TMOD1: variants seen among roughly 807,000 people sequenced by gnomAD.
TMOD1 encodes the protein tropomodulin 1.
TMOD1 carries 17 observed loss-of-function variants against 40.6 expected under a neutral mutation model. That is an observed-to-expected ratio of 0.42 (90% CI 0.29 to 0.63). TMOD1 has a LOEUF of 0.63. Among genes scored for constraint, TMOD1 ranks in the 20% least tolerant of loss-of-function variants. The pLI is 0.22. For missense variants in TMOD1, 391 were observed against 447.6 expected (o/e 0.87, Z 1.14); for synonymous variants, 181 against 175.0 (o/e 1.03, Z -0.27).
chr9:97,539,704 C>T (rs1010011770), intron 2 of TMOD1, among the ~76,000 whole-genome samples: 15 of 152,300 alleles, frequency 9.8e-5, no homozygotes, highest in African/African-American at 3.6e-4. Flanking sequence ...AGGTGGCTCA[C>T]GCCTGTAATC....
intron 8 of TMOD1, among the ~76,000 whole-genome samples, chr9:97,590,653 C>CT (rs1228416580): frequency 1.4e-5 from 2 of 147,020 alleles, no homozygotes; most frequent in African/African-American, 5.1e-5. Flanking sequence ...TTCTTTATAT[C>CT]TTTGTCAGAT....
At chr9:97,588,355 C>G (rs1280383939) in intron 8 of TMOD1, among the ~76,000 whole-genome samples, 1 of 152,130 alleles carries the variant, frequency 6.6e-6, no homozygotes, top group Non-Finnish European at 1.5e-5. Context: ...TAATGATGAG[C>G]ACTTTTTCAT....
At chr9:97,542,393 A>C (rs749311806) in intron 2 of TMOD1, among the ~76,000 whole-genome samples, 5 of 152,232 alleles carry the variant, frequency 3.3e-5, no homozygotes, top group Non-Finnish European at 7.3e-5. Context: ...GTTTTTACAA[A>C]TCAACTGCTT....
At chr9:97,559,793 AAATATATATATATATATAT>A (rs1830598853) in intron 4 of TMOD1, among the ~76,000 whole-genome samples, 1 of 31,518 alleles carries the variant, frequency 3.2e-5, no homozygotes, top group East Asian at 9.4e-4. Flanking sequence ...AAAAAAAAAA[AAATATATATATATATATAT>A]ATATATATAT....
At chr9:97,559,180 G>A (rs978941740) in intron 4 of TMOD1, among the ~76,000 whole-genome samples, 1 of 152,194 alleles carries the variant, frequency 6.6e-6, no homozygotes, top group Non-Finnish European at 1.5e-5. Context: ...CTCCGTGGGA[G>A]CTGGAGAGCC....
At chr9:97,532,480 G>C (rs1409774041) in intron 2 of TMOD1, among the ~76,000 whole-genome samples, 3 of 152,120 alleles carry the variant, frequency 2.0e-5, no homozygotes, top group Non-Finnish European at 4.4e-5. Context: ...TGGCAACACT[G>C]AGCTGTTTCC....
intron 8 of TMOD1, among the ~76,000 whole-genome samples, chr9:97,569,915 A>G (rs1830793170): frequency 6.6e-6 from 1 of 152,174 alleles, no homozygotes; most frequent in South Asian, 2.1e-4. Context: ...TTTGATGTTA[A>G]AATGCTTTCT....
intron 8 of TMOD1, among the ~76,000 whole-genome samples, chr9:97,572,572 C>CT (rs1830837577): frequency 6.6e-6 from 1 of 152,100 alleles, no homozygotes; most frequent in Non-Finnish European, 1.5e-5. Flanking sequence ...TGTGCCTCCC[C>CT]TTCAGGTGCC....
At chr9:97,587,604 C>G (rs749093141) in intron 8 of TMOD1, among the ~76,000 whole-genome samples, 1 of 151,844 alleles carries the variant, frequency 6.6e-6, no homozygotes, top group Non-Finnish European at 1.5e-5. Context: ...CTAATTGACA[C>G]GTACTTCACA....
Position 97,502,119 on chromosome 9 carries a change from G to C in TMOD1, c.-49+316G>C, listed in dbSNP as rs112546293. Reference sequence around the variant, plus strand: ...AGGACCCGGGGTTCTGGAGGAGACGGCGCCCCGGGCTGGGGTCCTGGCGGA... The same window carrying C: ...AGGACCCGGGGTTCTGGAGGAGACGCCGCCCCGGGCTGGGGTCCTGGCGGA... On this transcript the variant is annotated intron_variant, in intron 1 of 9. Coordinates refer to ENST00000259365, the MANE Select transcript of TMOD1 (RefSeq NM_003275.4). The surrounding 1 kb of genome is among the most constrained non-coding windows in gnomAD (Gnocchi z 6.1). 0.051 allele frequency among the ~76,000 whole-genome samples: 7,782 copies of C among 152,036 alleles called. 305 individuals carry two copies. The highest frequency in any genetic ancestry group is 0.11 in the African/African-American group (4,685 of 41,502).
At chr9:97,535,967 G>T (rs74623012) in intron 2 of TMOD1, among the ~76,000 whole-genome samples, 7 of 152,128 alleles carry the variant, frequency 4.6e-5, no homozygotes, top group South Asian at 4.1e-4. Context: ...GTGTCTGGAG[G>T]GGGTGGGGCT....
intron 2 of TMOD1, among the ~76,000 whole-genome samples, chr9:97,534,328 GC>G (rs1395290685): frequency 6.6e-6 from 1 of 152,192 alleles, no homozygotes; most frequent in Non-Finnish European, 1.5e-5. Flanking sequence ...TCTGCTGAAA[GC>G]CCTGAGATGG....
chr9:97,521,293 C>T (rs879697724), intron 1 of TMOD1, among the ~76,000 whole-genome samples: 13 of 152,174 alleles, frequency 8.5e-5, no homozygotes, highest in Admixed American at 2.0e-4. Flanking sequence ...TACCCACATA[C>T]CAACATTTTT....
rs943023109 is a variant in TMOD1, at chr9:97,600,245, T to G, written c.*547T>G. The G allele has an allele frequency of 3.6e-5, 36 of 987,960 alleles. No individual in the cohort carries two copies. In the African/African-American group the frequency reaches 5.8e-4, roughly 16 times the overall value. 61.2% of individuals were successfully genotyped at this position (987,960 alleles called of 1,614,324 possible). A position where few individuals can be genotyped will look rare whatever the true frequency, so the allele number is the denominator to read the frequency against. Reference sequence around the variant, plus strand: ...AACACAATTTTCCCCTCAGAACAGATAGACAGACTGAAGCCACTGAACTCT... The same window carrying G: ...AACACAATTTTCCCCTCAGAACAGAGAGACAGACTGAAGCCACTGAACTCT... On this transcript the variant is annotated 3_prime_UTR_variant, in exon 10 of 10. Transcript: ENST00000259365.
At chr9:97,519,104 C>T (rs1829875379) in intron 1 of TMOD1, among the ~76,000 whole-genome samples, 1 of 152,210 alleles carries the variant, frequency 6.6e-6, no homozygotes, top group Admixed American at 6.5e-5. Context: ...CTGGAGTGTT[C>T]CCACATTGGC....
At position 97,502,444 on chromosome 9, in the gene TMOD1, G is replaced by A. The variant is rs993206274; in HGVS notation, c.-49+641G>A. 6.6e-6 allele frequency among the ~76,000 whole-genome samples: 1 copy of A among 152,246 alleles called. No homozygotes were observed. ...AAAGAGCTTGGAGGCGGGAGCCCCA[G>A]GTTGTCGCCGGCTCTCGGCATGGCC... On this transcript the variant is annotated intron_variant, in intron 1 of 9. Coordinates refer to ENST00000259365, the MANE Select transcript of TMOD1 (RefSeq NM_003275.4). This position sits in a 1 kb window ranked among gnomAD's most constrained non-coding sequence, Gnocchi z 6.1.
rs1379044230 is a variant in TMOD1, at chr9:97,502,733, A to G, written c.-49+930A>G. Among the ~76,000 whole-genome samples the G allele has an allele frequency of 6.6e-6, 1 of 152,134 alleles. No homozygotes were observed. Among genetic ancestry groups the G allele is most frequent in the Non-Finnish European group, 1.5e-5 (1 of 68,010 alleles). On this transcript the variant is annotated intron_variant, in intron 1 of 9. Coordinates refer to ENST00000259365, the MANE Select transcript of TMOD1 (RefSeq NM_003275.4). The surrounding 1 kb of genome is among the most constrained non-coding windows in gnomAD (Gnocchi z 6.1). ...ACTCACTAAGGCCGTCGGATATCCT[A>G]AGCCGTACAACCCTAGGAAGTGCAC...
intron 8 of TMOD1, among the ~76,000 whole-genome samples, chr9:97,579,129 C>A (rs1428693207): frequency 6.6e-6 from 1 of 152,212 alleles, no homozygotes; most frequent in Non-Finnish European, 1.5e-5. Flanking sequence ...CCGTGGCCAG[C>A]TTTCTGAGCC....
Position 97,566,691 on chromosome 9 carries a change from T to C in TMOD1, c.726+736T>C, listed in dbSNP as rs370076257. ...ATCACAAAATAAATAAATAAATAAATAAAAATTTAAAAAAATAAAAATGAT... is the reference window on the plus strand; with the variant it reads ...ATCACAAAATAAATAAATAAATAAACAAAAATTTAAAAAAATAAAAATGAT... On this transcript the variant is annotated intron_variant, in intron 7 of 9. Transcript: ENST00000259365. 4.5e-4 allele frequency among the ~76,000 whole-genome samples: 68 copies of C among 151,910 alleles called. 2 individuals are homozygous for C. The South Asian group carries it at 0.013, about 30-fold the overall frequency.
Sources: allele counts gnomAD v4.1 joint callset (sites outside exome capture counted in the v4.1 genomes callset), GRCh38; gene constraint gnomAD v4.1.1; non-coding constraint Gnocchi (gnomAD v3.1); transcripts MANE v1.5; gene names NCBI Gene and HGNC (gene_info 2026-07-23, HGNC 2026-07-21).